KIF26B: variants seen among roughly 807,000 people sequenced by gnomAD.
The protein encoded by KIF26B is kinesin family member 26B.
A neutral mutation model predicts 151.2 loss-of-function variants in KIF26B; 63 were observed. That is an observed-to-expected ratio of 0.42 (90% CI 0.34 to 0.51). The LOEUF (loss-of-function observed/expected upper bound fraction) is 0.51, where lower values mean the gene tolerates loss of function less well. Among genes scored for constraint, KIF26B ranks in the 20% least tolerant of loss-of-function variants. KIF26B has a pLI of 0.07. For synonymous variants in KIF26B, 1,357 were observed against 1,262.1 expected (o/e 1.08, Z -1.59); for missense variants, 2,813 against 2,913.6 (o/e 0.97, Z 0.79).
chr1:245,433,444 G>A (rs960144246), intron 4 of KIF26B, among the ~76,000 whole-genome samples: 5 of 149,542 alleles, frequency 3.3e-5, no homozygotes, highest in Middle Eastern at 3.5e-3. Flanking sequence ...TCCAGCCTGG[G>A]TGACACAGCA....
intron 2 of KIF26B, among the ~76,000 whole-genome samples, chr1:245,192,322 G>A (rs1401227810): frequency 6.6e-6 from 1 of 151,316 alleles, no homozygotes; most frequent in Non-Finnish European, 1.5e-5. Flanking sequence ...GTATTTTCTG[G>A]TCTAGACAGT....
At chr1:245,554,376 C>T (rs1055811575) in intron 5 of KIF26B, among the ~76,000 whole-genome samples, 1 of 152,170 alleles carries the variant, frequency 6.6e-6, no homozygotes, top group Non-Finnish European at 1.5e-5. Context: ...TTTTTCCCTG[C>T]TTGTCCCTAT....
chr1:245,208,337 C>T (rs1669447745), intron 2 of KIF26B, among the ~76,000 whole-genome samples: 1 of 152,252 alleles, frequency 6.6e-6, no homozygotes, highest in African/African-American at 2.4e-5. Context: ...CTGTAATTTA[C>T]ATCTATCTTC....
intron 4 of KIF26B, among the ~76,000 whole-genome samples, chr1:245,520,129 G>GAGAGAT (rs1558197001): frequency 1.3e-5 from 2 of 148,400 alleles, no homozygotes; most frequent in African/African-American, 5.2e-5. Context: ...GAGAGAGAGA[G>GAGAGAT]AGAGAGAGAG....
intron 12 of KIF26B, among the ~76,000 whole-genome samples, chr1:245,691,411 T>C (rs1484563168): frequency 6.6e-6 from 1 of 152,232 alleles, no homozygotes; most frequent in Non-Finnish European, 1.5e-5. Context: ...TCATGTGGAA[T>C]GTCAAGAGCA....
intron 2 of KIF26B, among the ~76,000 whole-genome samples, chr1:245,307,794 G>A (rs1055240213): frequency 1.3e-4 from 19 of 149,430 alleles, no homozygotes; most frequent in Non-Finnish European, 2.7e-4. Context: ...AGGCTGGAGT[G>A]CGGTGGCGCG....
intron 9 of KIF26B, among the ~76,000 whole-genome samples, chr1:245,643,228 T>C (rs1382549792): frequency 1.3e-5 from 2 of 152,240 alleles, no homozygotes; most frequent in African/African-American, 4.8e-5. Context: ...ATTATTGATA[T>C]GGTTTGGTTC....
rs1470202428 is a variant in KIF26B, at chr1:245,309,910, C to CTA, written c.466-56915_466-56914dup. 2.7e-5 allele frequency among the ~76,000 whole-genome samples: 4 copies of CTA among 145,776 alleles called. No individual in the cohort carries two copies. In the South Asian group the frequency reaches 8.4e-4, roughly 31 times the overall value. On this transcript the variant is annotated intron_variant, in intron 2 of 14. Coordinates refer to ENST00000407071, the MANE Select transcript of KIF26B (RefSeq NM_018012.4). Reference sequence around the variant, plus strand: ...TATATCTCACTATATATATCTCTTACTATATATATAAATCAATAAATATCT... The same window carrying CTA: ...TATATCTCACTATATATATCTCTTACTATATATATATAAATCAATAAATATCT...
chr1:245,524,684 C>T lies in KIF26B; in HGVS notation c.1167-16083C>T, dbSNP rs114161379. On this transcript the variant is annotated intron_variant, in intron 4 of 14. Coordinates refer to ENST00000407071, the MANE Select transcript of KIF26B (RefSeq NM_018012.4). ...TATTAACCTCTATAAAAAACAAAGC[C>T]ATATCTTAGCTTCATAATTCAGTCT... Among the ~76,000 whole-genome samples the T allele has an allele frequency of 4.0e-3, 606 of 152,212 alleles. 1 individual carries two copies. The highest frequency in any genetic ancestry group is 0.013 in the African/African-American group (560 of 41,514).
At chr1:245,503,646 C>T (rs1660670079) in intron 4 of KIF26B, among the ~76,000 whole-genome samples, 1 of 152,194 alleles carries the variant, frequency 6.6e-6, no homozygotes, top group Non-Finnish European at 1.5e-5. Context: ...CATCCCAGCA[C>T]CATGTATCTG....
At position 245,358,605 on chromosome 1, in the gene KIF26B, T is replaced by A. The variant is rs1672748663; in HGVS notation, c.466-8229T>A. On this transcript the variant is annotated intron_variant, in intron 2 of 14. Coordinates refer to ENST00000407071, the MANE Select transcript of KIF26B (RefSeq NM_018012.4). The surrounding 1 kb of genome is among the most constrained non-coding windows in gnomAD (Gnocchi z 4.1). ...AAGTCAATTAAAAGAAAAAGAAACATTAAGCAATTTTATAATTAGATAATT... is the reference window on the plus strand; with the variant it reads ...AAGTCAATTAAAAGAAAAAGAAACAATAAGCAATTTTATAATTAGATAATT... Among the ~76,000 whole-genome samples, 1 of 152,232 alleles carries A rather than the reference T, an allele frequency of 6.6e-6. No individual in the cohort carries two copies. The highest frequency in any genetic ancestry group is 2.1e-4 in the South Asian group (1 of 4,832).
intron 3 of KIF26B, among the ~76,000 whole-genome samples, chr1:245,368,467 A>T (rs1010698315): frequency 1.3e-5 from 2 of 152,266 alleles, no homozygotes; most frequent in Middle Eastern, 3.4e-3. Context: ...CTCAGAGAAG[A>T]TAGTTGGTAC....
intron 3 of KIF26B, among the ~76,000 whole-genome samples, chr1:245,368,196 T>G (rs1396998631): frequency 2.6e-5 from 4 of 152,222 alleles, no homozygotes; most frequent in African/African-American, 9.6e-5. Context: ...GGGATTGGGC[T>G]GCCAAAACTG....
chr1:245,631,782 T>A (rs986041486), intron 9 of KIF26B, among the ~76,000 whole-genome samples: 1 of 152,206 alleles, frequency 6.6e-6, no homozygotes, highest in African/African-American at 2.4e-5. Flanking sequence ...CAGATTTTTT[T>A]ATTCTTCCTG....
At chr1:245,445,782 G>A (rs1203965960) in intron 4 of KIF26B, among the ~76,000 whole-genome samples, 2 of 152,130 alleles carry the variant, frequency 1.3e-5, no homozygotes, top group Non-Finnish European at 2.9e-5. Context: ...CTCCCAGCTT[G>A]TGGCTACCTT....
intron 10 of KIF26B, among the ~76,000 whole-genome samples, chr1:245,666,924 T>C (rs1226099198): frequency 6.6e-6 from 1 of 152,100 alleles, no homozygotes; most frequent in Non-Finnish European, 1.5e-5. Flanking sequence ...TGGCCTCAAA[T>C]TGAGGGCACA....
chr1:245,290,210 G>T (rs899914818), intron 2 of KIF26B, among the ~76,000 whole-genome samples: 5 of 151,566 alleles, frequency 3.3e-5, no homozygotes, highest in Non-Finnish European at 7.4e-5. Context: ...TGAATGAATG[G>T]AAGTAGTGTC....
intron 10 of KIF26B, among the ~76,000 whole-genome samples, chr1:245,668,922 C>T (rs1451568839): frequency 6.6e-6 from 1 of 152,096 alleles, no homozygotes; most frequent in Non-Finnish European, 1.5e-5. Flanking sequence ...AACTCCCGAC[C>T]TCAGGTGATC....
At chr1:245,264,409 A>T (rs943784021) in intron 2 of KIF26B, among the ~76,000 whole-genome samples, 2 of 152,182 alleles carry the variant, frequency 1.3e-5, no homozygotes, top group Non-Finnish European at 1.5e-5. Flanking sequence ...GTGGTTAAAC[A>T]TATATGCTTC....
Sources: allele counts gnomAD v4.1 joint callset (sites outside exome capture counted in the v4.1 genomes callset), GRCh38; gene constraint gnomAD v4.1.1; non-coding constraint Gnocchi (gnomAD v3.1); transcripts MANE v1.5; gene names NCBI Gene and HGNC (gene_info 2026-07-23, HGNC 2026-07-21).